Variants in AGTPBP1 observed in about 807,000 individuals in gnomAD.
The protein encoded by AGTPBP1 is cytosolic carboxypeptidase 1.
A neutral mutation model predicts 143.9 loss-of-function variants in AGTPBP1; 70 were observed. The observed-to-expected ratio is 0.49, with a 90% CI of 0.40 to 0.59. AGTPBP1 has a LOEUF of 0.59. Among genes scored for constraint, AGTPBP1 ranks in the 20% least tolerant of loss-of-function variants. AGTPBP1 has a pLI of 0.00. For synonymous variants in AGTPBP1, 463 were observed against 500.2 expected (o/e 0.93, Z 0.99); for missense variants, 1,229 against 1,464.5 (o/e 0.84, Z 2.62).
At chr9:85,725,616 T>C (rs1489248927) in intron 1 of AGTPBP1, among the ~76,000 whole-genome samples, 1 of 152,124 alleles carries the variant, frequency 6.6e-6, no homozygotes, top group African/African-American at 2.4e-5. Flanking sequence ...GAAATTTTAA[T>C]TCTGATGAAA....
At chr9:85,750,335 A>G in the AGTPBP1 span, among the ~76,000 whole-genome samples, 2 of 152,218 alleles carry the variant, frequency 1.3e-5, no homozygotes, top group East Asian at 1.9e-4. Flanking sequence ...AGAACTATGG[A>G]TGGTAAACAT....
At chr9:85,588,563 A>G in intron 20 of AGTPBP1, 85 bp from the exon 21 acceptor site, 2 of 1,366,230 alleles carry the variant, frequency 1.5e-6, no homozygotes, top group Non-Finnish European at 2.0e-6. Context: ...AAATGTCTCT[A>G]ACTCAATTGT....
chr9:85,548,614 T>A (rs1010933725), intron 25 of AGTPBP1, among the ~76,000 whole-genome samples: 1 of 149,390 alleles, frequency 6.7e-6, no homozygotes, highest in Non-Finnish European at 1.5e-5. Flanking sequence ...ATGAATCTGT[T>A]AGGTCATTAG....
intron 6 of AGTPBP1, among the ~76,000 whole-genome samples, chr9:85,676,223 T>C (rs1042567742): frequency 6.6e-6 from 1 of 152,016 alleles, no homozygotes; most frequent in African/African-American, 2.4e-5. Flanking sequence ...CTAAAAAGCT[T>C]CTGAACAGCA....
At chr9:85,629,331 C>G (rs1831509814) in intron 14 of AGTPBP1, among the ~76,000 whole-genome samples, 1 of 152,118 alleles carries the variant, frequency 6.6e-6, no homozygotes, top group Non-Finnish European at 1.5e-5. Context: ...CAGGACAATT[C>G]TGAGGTCCAT....
the AGTPBP1 span, among the ~76,000 whole-genome samples, chr9:85,800,898 A>G: frequency 3.3e-5 from 5 of 151,940 alleles, no homozygotes; most frequent in Non-Finnish European, 7.4e-5. Flanking sequence ...ATCTTATATA[A>G]CATGGTACAT....
upstream of AGTPBP1, among the ~76,000 whole-genome samples, chr9:85,743,827 G>A (rs539541787): frequency 6.6e-6 from 1 of 152,082 alleles, no homozygotes; most frequent in East Asian, 1.9e-4. Context: ...TATCCTCACC[G>A]ATCTCCTGTA....
At chr9:85,760,349 A>G in the AGTPBP1 span, among the ~76,000 whole-genome samples, 2 of 152,184 alleles carry the variant, frequency 1.3e-5, no homozygotes, top group Non-Finnish European at 2.9e-5. Context: ...TCCTTGATGA[A>G]CATCGATGCA....
chr9:85,663,514 T>A (rs959840712), intron 8 of AGTPBP1, among the ~76,000 whole-genome samples: 1 of 148,386 alleles, frequency 6.7e-6, no homozygotes, highest in African/African-American at 2.5e-5. Context: ...TTTATAGAAA[T>A]ACAAAAATAT....
the AGTPBP1 span, among the ~76,000 whole-genome samples, chr9:85,803,096 C>T: frequency 4.6e-5 from 7 of 152,172 alleles, no homozygotes; most frequent in African/African-American, 1.4e-4. Flanking sequence ...TACTTTCTCC[C>T]ACTGTCCAAT....
intron 2 of AGTPBP1, among the ~76,000 whole-genome samples, chr9:85,696,620 T>C (rs988907365): frequency 6.6e-6 from 1 of 151,962 alleles, no homozygotes; most frequent in Admixed American, 6.6e-5. Flanking sequence ...GTGAGCCAAG[T>C]TGTGCCACTG....
chr9:85,639,367 G>GCA (rs60915473), intron 13 of AGTPBP1, among the ~76,000 whole-genome samples: 12,769 of 147,166 alleles, frequency 0.087, 564 homozygotes, highest in African/African-American at 0.14. Context: ...GCGCGCACGC[G>GCA]CACACACACA....
chr9:85,599,049 CTTTAT>C (rs1286252656), intron 17 of AGTPBP1, among the ~76,000 whole-genome samples: 2 of 151,182 alleles, frequency 1.3e-5, no homozygotes, highest in African/African-American at 2.4e-5. Context: ...ACCACTTTTG[CTTTAT>C]TTTAATTTCA....
At chr9:85,647,993 C>G (rs1440305525) in intron 11 of AGTPBP1, among the ~76,000 whole-genome samples, 2 of 152,070 alleles carry the variant, frequency 1.3e-5, no homozygotes, top group Admixed American at 6.6e-5. Context: ...GTGAGAGAGA[C>G]AGCATACGGG....
the AGTPBP1 span, chr9:85,755,912 C>T: frequency 7.9e-6 from 4 of 506,516 alleles, no homozygotes; most frequent in Non-Finnish European, 1.0e-5. Context: ...TGACTAGAAC[C>T]ACTGATGTCT....
At chr9:85,630,543 G>C (rs1587778936) in intron 14 of AGTPBP1, among the ~76,000 whole-genome samples, 1 of 151,980 alleles carries the variant, frequency 6.6e-6, no homozygotes, top group African/African-American at 2.4e-5. Flanking sequence ...GCAGTGGCAC[G>C]ATCACGGCTC....
chr9:85,745,861 T>C (rs1246822642), upstream of AGTPBP1, among the ~76,000 whole-genome samples: 1 of 152,152 alleles, frequency 6.6e-6, no homozygotes, highest in Non-Finnish European at 1.5e-5. Context: ...TTCTCTTTAA[T>C]GAAAAGCAGC....
chr9:85,764,081 A>C, the AGTPBP1 span, among the ~76,000 whole-genome samples: 1 of 152,192 alleles, frequency 6.6e-6, no homozygotes, highest in African/African-American at 2.4e-5. Flanking sequence ...TCTACAATGT[A>C]GAATGTAAGC....
chr9:85,589,405 C>A, intron 20 of AGTPBP1, 123 bp downstream of exon 20: 2 of 1,270,502 alleles, frequency 1.6e-6, no homozygotes, highest in Non-Finnish European at 1.1e-6. Context: ...AATAGCAGGG[C>A]CAAGACTAGA....
Sources: gnomAD v4.1 joint callset for allele counts (sites outside exome capture counted in the v4.1 genomes callset) on GRCh38, gnomAD v4.1.1 for gene constraint, MANE v1.5 for transcripts, NCBI Gene and HGNC (gene_info 2026-07-23, HGNC 2026-07-21) for gene names.